The following RGS6 variants were observed in gnomAD, a reference collection of about 807,000 sequenced individuals.
RGS6 encodes the protein regulator of G protein signaling 6.
Under a neutral mutation model 78.5 loss-of-function variants are expected in RGS6, and 30 were observed. That is an observed-to-expected ratio of 0.38 (90% CI 0.29 to 0.52). The LOEUF is 0.52. RGS6 is among the 20% of genes least tolerant of loss of function. The pLI is 0.85. For missense variants in RGS6, 495 were observed against 609.7 expected, an observed-to-expected ratio of 0.81 and a Z score of 1.98; for synonymous variants, 206 against 206.0, an observed-to-expected ratio of 1.00 and a Z score of 0.00.
At chr14:71,975,467 CT>C (rs111540663) in intron 2 of RGS6, among the ~76,000 whole-genome samples, 277 of 144,944 alleles carry the variant, frequency 1.9e-3, no homozygotes, top group Admixed American at 2.1e-3. Flanking sequence ...CTTGGGGATT[CT>C]TTTTTTTTTT....
the RGS6 span, among the ~76,000 whole-genome samples, chr14:72,613,305 T>C: frequency 2.0e-5 from 3 of 152,166 alleles, no homozygotes; most frequent in African/African-American, 7.2e-5. Flanking sequence ...TAGACAGGGT[T>C]GGTGCCAGCC....
intron 1 of RGS6, among the ~76,000 whole-genome samples, chr14:71,959,323 G>C (rs1228651893): frequency 1.4e-5 from 2 of 147,536 alleles, no homozygotes. Context: ...TAACGTTGCT[G>C]ATGTCAGAAA....
In RGS6 at chr14:72,276,272, A is replaced by T. The variant is rs371841943; in HGVS notation, c.85-75823A>T. ...AAACTATCCAAGCAGCCAACTTTTT[A>T]AAATTAATGGAAGGAGAGGGTCTAC... is the stretch of plus-strand genomic sequence containing the variant. On this transcript the variant is annotated intron_variant, in intron 2 of 17. Transcript: ENST00000553525. Among the ~76,000 whole-genome samples, 7 of 152,246 alleles carry T rather than the reference A, an allele frequency of 4.6e-5. No homozygotes were observed. In the South Asian group the frequency reaches 6.2e-4, roughly 14 times the overall value.
At chr14:71,976,340 C>A (rs1317552487) in intron 2 of RGS6, among the ~76,000 whole-genome samples, 1 of 150,444 alleles carries the variant, frequency 6.6e-6, no homozygotes, top group African/African-American at 2.5e-5. Context: ...ATACATGTGC[C>A]ATGCTGGTGC....
intron 2 of RGS6, among the ~76,000 whole-genome samples, chr14:72,011,635 A>C (rs560387419): frequency 6.6e-6 from 1 of 152,240 alleles, no homozygotes; most frequent in African/African-American, 2.4e-5. Flanking sequence ...AACTATTTAC[A>C]TAGCATTTAT....
At chr14:72,105,276 C>T (rs553012628) in intron 2 of RGS6, among the ~76,000 whole-genome samples, 3 of 152,252 alleles carry the variant, frequency 2.0e-5, no homozygotes, top group Admixed American at 2.0e-4. Flanking sequence ...CCATTTTTAC[C>T]CAAGTAAAAT....
chr14:72,620,353 G>T, the RGS6 span, among the ~76,000 whole-genome samples: 2 of 152,136 alleles, frequency 1.3e-5, no homozygotes, highest in African/African-American at 4.8e-5. Context: ...TATTCTCCAT[G>T]ACTTTATATA....
chr14:71,935,061 T>A (rs1196454527), intron 1 of RGS6, among the ~76,000 whole-genome samples: 1 of 152,200 alleles, frequency 6.6e-6, no homozygotes, highest in Non-Finnish European at 1.5e-5. Flanking sequence ...TCATTTTCAG[T>A]TTCCAGCTGG....
At chr14:72,605,247 C>A in the RGS6 span, among the ~76,000 whole-genome samples, 2 of 152,088 alleles carry the variant, frequency 1.3e-5, no homozygotes, top group Non-Finnish European at 2.9e-5. Context: ...CAAATCCCAG[C>A]GAAGGGAAGC....
the RGS6 span, chr14:72,619,237 T>G: frequency 6.6e-7 from 1 of 1,511,614 alleles, no homozygotes; most frequent in Non-Finnish European, 8.9e-7. Context: ...CGCGTTCTGG[T>G]TTGAACTGGG....
intron 2 of RGS6, among the ~76,000 whole-genome samples, chr14:72,081,425 T>C (rs2094820411): frequency 6.6e-6 from 1 of 152,126 alleles, no homozygotes; most frequent in East Asian, 1.9e-4. Context: ...TAGATACCAG[T>C]ATTGGTATAC....
At chr14:72,078,234 C>T (rs2094663979) in intron 2 of RGS6, among the ~76,000 whole-genome samples, 1 of 152,214 alleles carries the variant, frequency 6.6e-6, no homozygotes, top group Admixed American at 6.5e-5. Flanking sequence ...GCTCTTGCAC[C>T]GGCCATGTAA....
chr14:72,456,137 G>A (rs1156813651), intron 4 of RGS6, among the ~76,000 whole-genome samples: 1 of 152,116 alleles, frequency 6.6e-6, no homozygotes, highest in African/African-American at 2.4e-5. Context: ...GGGCCTGTTT[G>A]GGCTTCTGAG....
intron 2 of RGS6, among the ~76,000 whole-genome samples, chr14:72,002,976 C>G (rs1472364637): frequency 1.3e-5 from 2 of 152,184 alleles, no homozygotes; most frequent in Admixed American, 6.5e-5. Context: ...GCCCTGGGAA[C>G]TGGCCCAAGA....
At chr14:71,996,156 G>GTTTT (rs5809549) in intron 2 of RGS6, among the ~76,000 whole-genome samples, 1 of 145,234 alleles carries the variant, frequency 6.9e-6, no homozygotes, top group Admixed American at 6.9e-5. Flanking sequence ...TTAGAAGTGT[G>GTTTT]TTTTTTTTTT....
chr14:72,471,023 T>G (rs12433564), intron 8 of RGS6, among the ~76,000 whole-genome samples: 106,619 of 151,934 alleles, frequency 0.7, 37,771 homozygotes, highest in East Asian at 0.98. Context: ...CACCAGGGCA[T>G]AGGTGACCCC....
chr14:72,619,623 C>A, the RGS6 span, among the ~76,000 whole-genome samples: 4,671 of 152,262 alleles, frequency 0.031, 231 homozygotes, highest in African/African-American at 0.11. Flanking sequence ...TGCGCCAGTT[C>A]TCCTGGAAGC....
chr14:72,249,058 T>C (rs1175769719), intron 2 of RGS6, among the ~76,000 whole-genome samples: 1 of 152,194 alleles, frequency 6.6e-6, no homozygotes, highest in African/African-American at 2.4e-5. Context: ...GGACTCCCTG[T>C]AACAAAAGGT....
intron 2 of RGS6, among the ~76,000 whole-genome samples, chr14:72,134,883 G>A (rs1415673637): frequency 3.3e-5 from 5 of 152,126 alleles, no homozygotes; most frequent in African/African-American, 1.2e-4. Context: ...CCTTTTCATT[G>A]TATTCAGGCA....
Sources: allele counts gnomAD v4.1 joint callset (sites outside exome capture counted in the v4.1 genomes callset), GRCh38; gene constraint gnomAD v4.1.1; transcripts MANE v1.5; gene names NCBI Gene and HGNC (gene_info 2026-07-23, HGNC 2026-07-21).